The following HS3ST2 variants were observed in gnomAD, a reference collection of about 807,000 sequenced individuals.
HS3ST2 encodes the protein heparan sulfate glucosamine 3-O-sulfotransferase 2.
HS3ST2 carries 17 observed loss-of-function variants against 26.3 expected under a neutral mutation model. That is an observed-to-expected ratio of 0.65 (90% CI 0.44 to 0.97). The LOEUF (loss-of-function observed/expected upper bound fraction) is 0.97, where lower values mean the gene tolerates loss of function less well. Among genes scored for constraint, HS3ST2 ranks in the 50% least tolerant of loss-of-function variants. The pLI is 0.00. For missense variants in HS3ST2, 402 were observed against 501.2 expected (o/e 0.80, Z 1.89); for synonymous variants, 237 against 219.2 (o/e 1.08, Z -0.72).
intron 1 of HS3ST2, among the ~76,000 whole-genome samples, chr16:22,894,771 G>A (rs1902184054): frequency 6.6e-6 from 1 of 150,720 alleles, no homozygotes; most frequent in Non-Finnish European, 1.5e-5. Flanking sequence ...AGGCTGTCGT[G>A]CGCCGTGATC....
At chr16:22,890,432 A>G (rs775206899) in intron 1 of HS3ST2, among the ~76,000 whole-genome samples, 1 of 152,194 alleles carries the variant, frequency 6.6e-6, no homozygotes, top group African/African-American at 2.4e-5. Context: ...GACAATGTGA[A>G]TGTTCTTTGT....
intron 1 of HS3ST2, among the ~76,000 whole-genome samples, chr16:22,839,913 C>T (rs1461482264): frequency 6.6e-6 from 1 of 152,194 alleles, no homozygotes; most frequent in African/African-American, 2.4e-5. Context: ...AAGGGCCTTT[C>T]ACCTCAGCTT....
intron 1 of HS3ST2, among the ~76,000 whole-genome samples, chr16:22,823,454 G>A (rs1188143700): frequency 6.6e-6 from 1 of 152,136 alleles, no homozygotes; most frequent in Non-Finnish European, 1.5e-5. Flanking sequence ...CACAACTGAC[G>A]TTATGGGAAA....
chr16:22,833,617 T>C (rs1489199836), intron 1 of HS3ST2, among the ~76,000 whole-genome samples: 1 of 152,194 alleles, frequency 6.6e-6, no homozygotes, highest in Non-Finnish European at 1.5e-5. Flanking sequence ...AGATATTTGT[T>C]ATTTCCTACC....
At chr16:22,826,141 C>G (rs1311089296) in intron 1 of HS3ST2, among the ~76,000 whole-genome samples, 3 of 152,166 alleles carry the variant, frequency 2.0e-5, no homozygotes, top group Admixed American at 2.0e-4. Context: ...GAGAATTAAT[C>G]TCTCTTTTAA....
At chr16:22,845,437 C>T (rs368412907) in intron 1 of HS3ST2, among the ~76,000 whole-genome samples, 7 of 144,780 alleles carry the variant, frequency 4.8e-5, no homozygotes, top group South Asian at 4.3e-4. Flanking sequence ...CTGTAACCTC[C>T]GCCTCCTGGG....
At chr16:22,908,571 G>A (rs376475718) in intron 1 of HS3ST2, among the ~76,000 whole-genome samples, 49 of 152,292 alleles carry the variant, frequency 3.2e-4, no homozygotes, top group African/African-American at 1.1e-3. Flanking sequence ...GGGGCTCTCC[G>A]TAGAGTCCCA....
intron 1 of HS3ST2, chr16:22,833,535 G>A: frequency 5.7e-6 from 2 of 349,342 alleles, no homozygotes; most frequent in South Asian, 2.2e-5. Flanking sequence ...GTGGTAGAGG[G>A]GAGGCACACC....
chr16:22,877,053 C>A (rs1901929604), intron 1 of HS3ST2, among the ~76,000 whole-genome samples: 1 of 152,064 alleles, frequency 6.6e-6, no homozygotes, highest in Non-Finnish European at 1.5e-5. Context: ...GACAGGTGCA[C>A]CAAAATCTCA....
rs185432569 is a variant in HS3ST2 at position 22,877,377 on chromosome 16, C to T, written c.486-37567C>T. ...GGATTGCTGACCGTGGCGTGCTCAGCGACTTCTCCTAAATTTGCCAACTAG... is the reference window on the plus strand; with the variant it reads ...GGATTGCTGACCGTGGCGTGCTCAGTGACTTCTCCTAAATTTGCCAACTAG... On this transcript the variant is annotated intron_variant, in intron 1 of 1. Transcript: ENST00000261374. 3.9e-5 allele frequency among the ~76,000 whole-genome samples: 6 copies of T among 152,278 alleles called. No individual in the cohort carries two copies. The East Asian group carries it at 1.2e-3, about 29-fold the overall frequency.
chr16:22,851,074 C>G (rs1901512298), intron 1 of HS3ST2, among the ~76,000 whole-genome samples: 1 of 152,172 alleles, frequency 6.6e-6, no homozygotes, highest in African/African-American at 2.4e-5. Flanking sequence ...AGGAGCATCT[C>G]AAGGGCAAGC....
At chr16:22,909,062 A>C (rs1163262198) in intron 1 of HS3ST2, among the ~76,000 whole-genome samples, 1 of 152,186 alleles carries the variant, frequency 6.6e-6, no homozygotes, top group African/African-American at 2.4e-5. Flanking sequence ...ACTAATGAGG[A>C]ATCTCTTCCA....
chr16:22,863,974 G>A (rs1256622405), intron 1 of HS3ST2, among the ~76,000 whole-genome samples: 3 of 152,330 alleles, frequency 2.0e-5, no homozygotes, highest in South Asian at 4.1e-4. Context: ...CAAATGTATA[G>A]AATGAACATT....
At chr16:22,816,866 T>G (rs1333663664) in intron 1 of HS3ST2, among the ~76,000 whole-genome samples, 2 of 152,200 alleles carry the variant, frequency 1.3e-5, no homozygotes, top group Non-Finnish European at 2.9e-5. Flanking sequence ...GCCTTTTAAG[T>G]GCAAAACAGC....
chr16:22,843,158 G>A (rs1413175575), intron 1 of HS3ST2, among the ~76,000 whole-genome samples: 2 of 144,978 alleles, frequency 1.4e-5, no homozygotes, highest in Non-Finnish European at 3.0e-5. Flanking sequence ...ATGTATGTAT[G>A]TGTGTGTGTG....
At chr16:22,878,350 A>C (rs907704648) in intron 1 of HS3ST2, among the ~76,000 whole-genome samples, 7 of 152,232 alleles carry the variant, frequency 4.6e-5, no homozygotes, top group Non-Finnish European at 1.0e-4. Flanking sequence ...ATGTTACTCA[A>C]TTCTGATTAG....
intron 1 of HS3ST2, among the ~76,000 whole-genome samples, chr16:22,828,844 A>G (rs983091599): frequency 2.0e-4 from 30 of 152,198 alleles, no homozygotes; most frequent in African/African-American, 6.5e-4. Context: ...CTCTAGCACA[A>G]ACATCTCCAT....
At chr16:22,852,059 G>A (rs562067532) in intron 1 of HS3ST2, among the ~76,000 whole-genome samples, 1 of 152,200 alleles carries the variant, frequency 6.6e-6, no homozygotes, top group South Asian at 2.1e-4. Context: ...TCGACTGAAA[G>A]TGTTTTTTCC....
intron 1 of HS3ST2, among the ~76,000 whole-genome samples, chr16:22,819,305 C>T (rs1389947400): frequency 2.0e-5 from 3 of 151,900 alleles, no homozygotes; most frequent in African/African-American, 7.3e-5. Context: ...AACTGCTTTG[C>T]AACCTTATAA....
Sources: allele counts gnomAD v4.1 joint callset (sites outside exome capture counted in the v4.1 genomes callset), GRCh38; gene constraint gnomAD v4.1.1; transcripts MANE v1.5; gene names NCBI Gene and HGNC (gene_info 2026-07-23, HGNC 2026-07-21).